RABEP1: variants seen among roughly 807,000 people sequenced by gnomAD.
The protein encoded by RABEP1 is rabaptin, RAB GTPase binding effector protein 1, also known as rab GTPase-binding effector protein 1.
RABEP1 carries 51 observed loss-of-function variants against 123.4 expected under a neutral mutation model. The ratio of observed to expected loss-of-function variants is 0.41; its 90% CI spans 0.33 to 0.52. The LOEUF is 0.52. Among genes scored for constraint, RABEP1 ranks in the 20% least tolerant of loss-of-function variants. RABEP1 has a pLI of 0.16. For synonymous variants in RABEP1, 347 were observed against 355.2 expected (o/e 0.98, Z 0.26); for missense variants, 888 against 996.3 (o/e 0.89, Z 1.46).
chr17:5,291,039 G>A (rs534378194), intron 1 of RABEP1, among the ~76,000 whole-genome samples: 2 of 152,296 alleles, frequency 1.3e-5, no homozygotes, highest in South Asian at 4.1e-4. Flanking sequence ...GCCAGTTTTA[G>A]CTTAGTAAAC....
At chr17:5,339,468 C>T (rs1567532153) in intron 5 of RABEP1, among the ~76,000 whole-genome samples, 1 of 152,084 alleles carries the variant, frequency 6.6e-6, no homozygotes, top group Non-Finnish European at 1.5e-5. Flanking sequence ...ATGATCATGC[C>T]ACTGCACTCC....
In RABEP1 at chr17:5,385,096, T is replaced by G. The variant is rs1439588717; in HGVS notation, c.*1873T>G. ...TAATAAAATCATCACAATTAGGGAATGGTTAGTGGTCTCTACTGTGGCAAA... is the reference window on the plus strand; with the variant it reads ...TAATAAAATCATCACAATTAGGGAAGGGTTAGTGGTCTCTACTGTGGCAAA... On this transcript the variant is annotated 3_prime_UTR_variant, in exon 18 of 18. Transcript: ENST00000537505. 1 of 229,450 alleles carries G rather than the reference T, an allele frequency of 4.4e-6. No individual in the cohort carries two copies. The highest frequency in any genetic ancestry group is 8.6e-6 in the Non-Finnish European group (1 of 115,790). 14.2% of individuals were successfully genotyped at this position (229,450 alleles called of 1,614,324 possible). A position where few individuals can be genotyped will look rare whatever the true frequency, so the allele number is the denominator to read the frequency against.
At chr17:5,296,875 G>T (rs961026743) in intron 1 of RABEP1, among the ~76,000 whole-genome samples, 3 of 152,100 alleles carry the variant, frequency 2.0e-5, no homozygotes, top group Non-Finnish European at 4.4e-5. Context: ...GAGCAGCTGG[G>T]ACTACAGGTG....
chr17:5,324,803 A>G (rs1162177457), intron 2 of RABEP1, among the ~76,000 whole-genome samples: 4 of 152,228 alleles, frequency 2.6e-5, no homozygotes, highest in Non-Finnish European at 4.4e-5. Context: ...GATGCTCAAC[A>G]TCACTAATCA....
chr17:5,362,766 A>G (rs1909665162), intron 9 of RABEP1, 146 bp from the exon 10 acceptor site: 3 of 607,868 alleles, frequency 4.9e-6, no homozygotes, highest in Non-Finnish European at 8.9e-6. Flanking sequence ...ATCTGACCCT[A>G]TATTGTAACT....
At chr17:5,380,758 T>C (rs1016368674) in intron 16 of RABEP1, among the ~76,000 whole-genome samples, 4 of 152,260 alleles carry the variant, frequency 2.6e-5, no homozygotes, top group Non-Finnish European at 5.9e-5. Flanking sequence ...GAAAATGTCA[T>C]TCCATTTGAC....
intron 8 of RABEP1, among the ~76,000 whole-genome samples, chr17:5,358,088 G>A (rs555050101): frequency 2.2e-4 from 34 of 152,246 alleles, no homozygotes; most frequent in African/African-American, 6.7e-4. Flanking sequence ...TGTGTGAAAG[G>A]CATGTTTACA....
At chr17:5,301,294 G>T (rs2075132901) in intron 1 of RABEP1, among the ~76,000 whole-genome samples, 1 of 152,150 alleles carries the variant, frequency 6.6e-6, no homozygotes, top group East Asian at 1.9e-4. Context: ...TTGCATTTGA[G>T]TGTGTTTGAT....
chr17:5,361,621 C>T lies in RABEP1; in HGVS notation c.1509C>T (p.Ser503=), dbSNP rs34594998. Reference sequence around the variant, plus strand: ...AGGGCATGGAGAGTGCCTATGTGTCCCCTAGTGGTTATCGTTTAGTTAGTG... The same window carrying T: ...AGGGCATGGAGAGTGCCTATGTGTCTCCTAGTGGTTATCGTTTAGTTAGTG... ...VTQGMESAYV[S]PSGYRLVSET... The change falls in exon 9 of 18, where the codon TCC becomes TCT. Residue 503 remains serine (S), a synonymous_variant. Transcript: ENST00000537505. The T allele has an allele frequency of 0.085, 137,673 of 1,612,316 alleles. 7,052 individuals carry two copies. The highest frequency in any genetic ancestry group is 0.22 in the African/African-American group (16,813 of 74,874).
intron 5 of RABEP1, among the ~76,000 whole-genome samples, chr17:5,341,641 A>C (rs1036165312): frequency 3.9e-5 from 6 of 152,326 alleles, no homozygotes; most frequent in African/African-American, 1.4e-4. Flanking sequence ...GTGAGCAAAC[A>C]CATAGAAAGG....
chr17:5,385,217 G>A lies in RABEP1; in HGVS notation c.*1994G>A, dbSNP rs909751991. On this transcript the variant is annotated 3_prime_UTR_variant, in exon 18 of 18. Coordinates refer to ENST00000537505, the MANE Select transcript of RABEP1 (RefSeq NM_004703.6). The stretch of plus-strand genomic sequence containing the variant: ...TGTTTCTGGTATGAAACAAACTACT[G>A]TGTCACTGTCCAGGTAGGAAACAAT... 1 of 230,354 alleles carries A rather than the reference G, an allele frequency of 4.3e-6. No homozygotes were observed. The highest frequency in any genetic ancestry group is 8.6e-6 in the Non-Finnish European group (1 of 116,304). 14.3% of individuals were successfully genotyped at this position (230,354 alleles called of 1,614,324 possible). A position where few individuals can be genotyped will look rare whatever the true frequency, so the allele number is the denominator to read the frequency against.
At chr17:5,372,245 C>G (rs563629932) in intron 12 of RABEP1, among the ~76,000 whole-genome samples, 1 of 152,036 alleles carries the variant, frequency 6.6e-6, no homozygotes, top group African/African-American at 2.4e-5. Flanking sequence ...GAGATTGAGA[C>G]CAGCCTGGCC....
intron 4 of RABEP1, 66 bp downstream of exon 4, chr17:5,335,410 G>A (rs1906979335): frequency 1.5e-6 from 2 of 1,365,464 alleles, no homozygotes; most frequent in African/African-American, 2.9e-5. Context: ...TAATATTGTT[G>A]TGTAATAGAA....
chr17:5,317,576 T>G (rs2075310335), intron 2 of RABEP1, among the ~76,000 whole-genome samples: 1 of 150,822 alleles, frequency 6.6e-6, no homozygotes, highest in African/African-American at 2.4e-5. Context: ...GTAGGGCACT[T>G]ACCCAAAGAA....
At chr17:5,356,715 A>G (rs1414514218) in intron 8 of RABEP1, 1 of 150,658 alleles carries the variant, frequency 6.6e-6, no homozygotes, top group African/African-American at 2.5e-5. Flanking sequence ...CAGTGGTGCA[A>G]TCTTGGCTCA....
chr17:5,319,626 G>A (rs544826755), intron 2 of RABEP1, among the ~76,000 whole-genome samples: 2 of 152,200 alleles, frequency 1.3e-5, no homozygotes, highest in African/African-American at 4.8e-5. Flanking sequence ...GCCTCCCAAA[G>A]TGTTGGGATT....
In RABEP1 at chr17:5,383,635, A is replaced by C; in HGVS notation, c.*412A>C. ...TTGCTTTATCTGTTGTCTAGAGCTC[A>C]TCAGTAACAGTATTCAGTTAGCAGA... is the stretch of plus-strand genomic sequence containing the variant. On this transcript the variant is annotated 3_prime_UTR_variant, in exon 18 of 18. Transcript: ENST00000537505. The C allele has an allele frequency of 4.0e-6, 1 of 249,886 alleles. No homozygotes were observed. Among genetic ancestry groups the C allele is most frequent in the Non-Finnish European group, 7.8e-6 (1 of 127,634 alleles). 15.5% of individuals were successfully genotyped at this position (249,886 alleles called of 1,614,324 possible). A position where few individuals can be genotyped will look rare whatever the true frequency, so the allele number is the denominator to read the frequency against.
rs2144647677 is a variant in RABEP1, at chr17:5,350,518, T to C, written c.852T>C (p.Asn284=). ...NQLKHTWQKA[N]DQFLESQRLL... ...TAAAACATACGTGGCAGAAGGCCAA[T>C]GACCAGTTTCTGGAATCTCAGCGTT... is the stretch of plus-strand genomic sequence containing the variant. The change falls in exon 7 of 18, where the codon AAT becomes AAC. Residue 284 remains asparagine, a synonymous_variant. Transcript: ENST00000537505. The C allele has an allele frequency of 1.2e-6, 2 of 1,614,152 alleles. No individual in the cohort carries two copies. The highest frequency in any genetic ancestry group is 4.5e-5 in the East Asian group (2 of 44,880).
intron 8 of RABEP1, 32 bp from the exon 9 acceptor site, chr17:5,361,176 C>G: frequency 6.4e-7 from 1 of 1,565,318 alleles, no homozygotes; most frequent in Non-Finnish European, 8.7e-7. Flanking sequence ...AGAGAATTGT[C>G]TAACTTGGCC....
Sources: gnomAD v4.1 joint callset for allele counts (sites outside exome capture counted in the v4.1 genomes callset) on GRCh38, gnomAD v4.1.1 for gene constraint, MANE v1.5 for transcripts, NCBI Gene and HGNC (gene_info 2026-07-23, HGNC 2026-07-21) for gene names.